ZNF235: variants seen among roughly 807,000 people sequenced by gnomAD.
ZNF235 encodes zfp-93.
In ZNF235, 25 loss-of-function variants were observed where a neutral mutation model predicts 29.4. The observed-to-expected ratio is 0.85, with a 90% CI of 0.62 to 1.19. ZNF235 has a LOEUF of 1.19. Among genes scored for constraint, ZNF235 ranks in the 50% most tolerant of loss-of-function variants. The pLI, the probability that ZNF235 is intolerant of heterozygous loss-of-function variation, is 0.00. For synonymous variants in ZNF235, 300 were observed against 295.3 expected (o/e 1.02, Z -0.16); for missense variants, 788 against 885.0 (o/e 0.89, Z 1.39).
At chr19:44,292,225 G>C (rs1000357073) in intron 4 of ZNF235, among the ~76,000 whole-genome samples, 1 of 151,508 alleles carries the variant, frequency 6.6e-6, no homozygotes, top group East Asian at 1.9e-4. Context: ...CAACATAAAA[G>C]AAATAAAGAT....
intron 4 of ZNF235, among the ~76,000 whole-genome samples, chr19:44,298,097 C>A (rs528134969): frequency 6.6e-6 from 1 of 152,120 alleles, no homozygotes; most frequent in South Asian, 2.1e-4. Context: ...CCAGCCTGGG[C>A]AACAGAGTGA....
At chr19:44,303,939 C>T (rs111573395) in intron 1 of ZNF235, among the ~76,000 whole-genome samples, 2 of 152,320 alleles carry the variant, frequency 1.3e-5, no homozygotes, top group South Asian at 2.1e-4. Flanking sequence ...CATAAAACTG[C>T]CCTTTTGAGT....
chr19:44,289,137 G>A lies in ZNF235; in HGVS notation c.298C>T (p.Leu100=). ...ATTTGCCAGCATGAAAGCTCTCCCA[G>A]TGAAAAGCACCTTAATCCTGCTTTG... The part of the protein sequence containing the change: ...LHKAGLRCFS[L]GELSCWQIKR... Residue 100 remains leucine, a synonymous_variant, in exon 5 of 5, where the codon CTG becomes TTG. Coordinates refer to ENST00000291182, the MANE Select transcript of ZNF235 (RefSeq NM_004234.4). 2 of 1,614,060 alleles carry A rather than the reference G, an allele frequency of 1.2e-6. No individual in the cohort carries two copies. The highest frequency in any genetic ancestry group is 2.2e-5 in the South Asian group (2 of 91,082).
Position 44,288,348 on chromosome 19 carries a change from A to G in ZNF235, c.1087T>C (p.Tyr363His), listed in dbSNP as rs1476435705. 1 of 1,613,714 alleles carries G rather than the reference A, an allele frequency of 6.2e-7. No homozygotes were observed. Reference protein sequence around the residue: ...GKSFNQSSHLYAHLPIHTGEK... With the variant: ...GKSFNQSSHLHAHLPIHTGEK... ...CCTGTGTGAATAGGCAAATGAGCAT[A>G]AAGATGTGAGCTCTGATTAAAGCTC... Residue 363 changes from tyrosine to histidine, a missense_variant, in exon 5 of 5, where the codon TAT (tyrosine) becomes CAT (histidine). Transcript: ENST00000291182.
chr19:44,287,222 A>G lies in ZNF235; in HGVS notation c.2213T>C (p.Leu738Pro). 6.3e-7 allele frequency: 1 copy of G among 1,587,754 alleles called. No homozygotes were observed. Among genetic ancestry groups the G allele is most frequent in the Non-Finnish European group, 8.6e-7 (1 of 1,165,098 alleles). ...GCTGAACCACACCTCTCATTTCTACAGATTCCCTCCAGTGTGGACTCTCTG... is the reference window on the plus strand; with the variant it reads ...GCTGAACCACACCTCTCATTTCTACGGATTCCCTCCAGTGTGGACTCTCTG... ...YHQRVHTGGN[L>P] Residue 738 changes from leucine to proline, a missense_variant, in exon 5 of 5, where the codon CTG becomes CCG. Leu to Pro is a moderately conservative substitution (Grantham distance 98). Coordinates refer to ENST00000291182, the MANE Select transcript of ZNF235 (RefSeq NM_004234.4).
chr19:44,302,973 T>C lies in ZNF235; in HGVS notation c.15+417A>G, dbSNP rs1014011667. ...GTATATATAAATATATACGTATATA[T>C]GTATATATTTATATATAAATATATA... On this transcript the variant is annotated intron_variant, in intron 2 of 4. Coordinates refer to ENST00000291182, the MANE Select transcript of ZNF235 (RefSeq NM_004234.4). 2.8e-3 allele frequency among the ~76,000 whole-genome samples: 301 copies of C among 105,908 alleles called. 7 individuals carry two copies. The highest frequency in any genetic ancestry group is 0.021 in the Admixed American group (206 of 9,606). The allele number at this position is 105,908 out of a possible 152,430, so 69.5% of individuals were successfully genotyped here.
At chr19:44,303,950 A>G (rs183501392) in intron 1 of ZNF235, among the ~76,000 whole-genome samples, 2 of 152,340 alleles carry the variant, frequency 1.3e-5, no homozygotes, top group Non-Finnish European at 2.9e-5. Flanking sequence ...CCTTTTGAGT[A>G]TGCTTTCTAG....
Position 44,288,993 on chromosome 19 carries a change from A to G in ZNF235, c.442T>C (p.Ser148Pro). The G allele has an allele frequency of 6.2e-7, 1 of 1,614,086 alleles. No individual in the cohort carries two copies. Among genetic ancestry groups the G allele is most frequent in the Non-Finnish European group, 8.5e-7 (1 of 1,179,962 alleles). ...TTGTCATCCACAGAAGCTTGAATAG[A>G]TTCTCCTGCTCCCACTTGACAGGGG... ...DSPCQVGAGESIQASVDDNCL... is the reference protein window; with the variant it reads ...DSPCQVGAGEPIQASVDDNCL... The change falls in exon 5 of 5, where the codon TCT (serine) becomes CCT (proline). Residue 148 changes from serine to proline, a missense_variant. Physicochemically the swap from Ser to Pro is moderately conservative, Grantham distance 74. Transcript: ENST00000291182.
chr19:44,298,209 A>G (rs899311821), intron 4 of ZNF235, among the ~76,000 whole-genome samples: 11 of 152,182 alleles, frequency 7.2e-5, no homozygotes, highest in African/African-American at 2.7e-4. Context: ...TGCAGATGTC[A>G]TATCTGAGGA....
chr19:44,302,494 G>T (rs897574795), intron 2 of ZNF235, among the ~76,000 whole-genome samples: 1 of 152,018 alleles, frequency 6.6e-6, no homozygotes, highest in Non-Finnish European at 1.5e-5. Flanking sequence ...TGTGAGAGTT[G>T]TTTTCCATTT....
chr19:44,287,552 T>G lies in ZNF235; in HGVS notation c.1883A>C (p.Lys628Thr). Residue 628 changes from lysine to threonine, a missense_variant, in exon 5 of 5, where the codon AAA becomes ACA. Coordinates refer to ENST00000291182, the MANE Select transcript of ZNF235 (RefSeq NM_004234.4). Reference sequence around the variant, plus strand: ...GAAGGCCTTACCACAAGTGTCACATTTATATGGTTTCTCTCCGGTGTGGAC... The same window carrying G: ...GAAGGCCTTACCACAAGTGTCACATGTATATGGTTTCTCTCCGGTGTGGAC... ...QRVHTGEKPY[K>T]CDTCGKAFSQ... 1 of 1,613,762 alleles carries G rather than the reference T, an allele frequency of 6.2e-7. No homozygotes were observed. Among genetic ancestry groups the G allele is most frequent in the Non-Finnish European group, 8.5e-7 (1 of 1,179,934 alleles).
Position 44,288,092 on chromosome 19 carries a change from G to T in ZNF235, c.1343C>A (p.Thr448Asn). 5 of 1,614,088 alleles carry T rather than the reference G, an allele frequency of 3.1e-6. No homozygotes were observed. Among genetic ancestry groups the T allele is most frequent in the Non-Finnish European group, 4.2e-6 (5 of 1,180,024 alleles). ...TTCTTCAGTGTGGACTCTCTGATGG[G>T]TATGAAGATTTGAGCTACAACTAAA... is the stretch of plus-strand genomic sequence containing the variant. ...KRFSCSSNLH[T>N]HQRVHTEEKP... is the part of the protein sequence containing the mutation. Residue 448 changes from threonine (T) to asparagine (N), a missense_variant, in exon 5 of 5, where the codon ACC (threonine) becomes AAC (asparagine). Physicochemically the swap from Thr to Asn is moderately conservative, Grantham distance 65. Transcript: ENST00000291182.
chr19:44,303,167 A>C (rs1408138053), intron 2 of ZNF235, among the ~76,000 whole-genome samples: 1 of 143,990 alleles, frequency 6.9e-6, no homozygotes, highest in African/African-American at 2.5e-5. Flanking sequence ...CGTATATATA[A>C]ATATATAATT....
intron 4 of ZNF235, among the ~76,000 whole-genome samples, chr19:44,293,963 A>G (rs543364986): frequency 6.9e-6 from 1 of 145,754 alleles, no homozygotes; most frequent in Non-Finnish European, 1.5e-5. Flanking sequence ...AAAAAAAAAA[A>G]GATAAAAAAT....
chr19:44,288,946 C>T lies in ZNF235; in HGVS notation c.489G>A (p.Gly163=). Residue 163 remains glycine (G), a synonymous_variant, in exon 5 of 5, where the codon GGG becomes GGA. Transcript: ENST00000291182. ...GATTTTCAATGATACTGGAATGATC[C>T]CCTATGTGATTCACTAGACAGTTGT... ...VDDNCLVNHI[G]DHSSIIENQE... 1.9e-6 allele frequency: 3 copies of T among 1,613,874 alleles called. No individual in the cohort carries two copies. Among genetic ancestry groups the T allele is most frequent in the Non-Finnish European group, 2.5e-6 (3 of 1,179,930 alleles).
intron 4 of ZNF235, among the ~76,000 whole-genome samples, chr19:44,298,131 A>C (rs889330540): frequency 1.3e-5 from 2 of 152,092 alleles, no homozygotes; most frequent in Admixed American, 1.3e-4. Flanking sequence ...TCAATCAATC[A>C]ATCAGAAAGA....
intron 4 of ZNF235, among the ~76,000 whole-genome samples, chr19:44,298,490 G>A (rs1975686184): frequency 6.6e-6 from 1 of 151,906 alleles, no homozygotes. Context: ...ACGCCTCCCA[G>A]GTTCAAGCAA....
chr19:44,304,549 G>C (rs2609882), intron 1 of ZNF235, among the ~76,000 whole-genome samples: 2 of 152,272 alleles, frequency 1.3e-5, no homozygotes, highest in South Asian at 4.2e-4. Context: ...TATTATAACA[G>C]AATTAACGGT....
In ZNF235 at chr19:44,289,079, C is replaced by T. The variant is rs772806817; in HGVS notation, c.356G>A (p.Ser119Asn). 1.2e-6 allele frequency: 2 copies of T among 1,614,114 alleles called. No individual in the cohort carries two copies. The highest frequency in any genetic ancestry group is 1.1e-5 in the South Asian group (1 of 91,080). ...KRHIASKLAR[S>N]QDSMINIEGK... Reference sequence around the variant, plus strand: ...TTCAATATTTATCATGGAGTCTTGACTTCTGGCTAATTTGCTCGCAATGTG... The same window carrying T: ...TTCAATATTTATCATGGAGTCTTGATTTCTGGCTAATTTGCTCGCAATGTG... The change falls in exon 5 of 5, where the codon AGT (serine) becomes AAT (asparagine). Residue 119 changes from serine (S) to asparagine (N), a missense_variant. By Grantham distance (46) the Ser-to-Asn change is conservative. Transcript: ENST00000291182.
Sources: gnomAD v4.1 joint callset for allele counts (sites outside exome capture counted in the v4.1 genomes callset) on GRCh38, gnomAD v4.1.1 for gene constraint, MANE v1.5 for transcripts, NCBI Gene and HGNC (gene_info 2026-07-23, HGNC 2026-07-21) for gene names.